The following ITSN2 variants were observed in gnomAD, a reference collection of about 807,000 sequenced individuals.
ITSN2 encodes intersectin-2.
Under a neutral mutation model 243.7 loss-of-function variants are expected in ITSN2, and 156 were observed. The observed-to-expected ratio is 0.64, with a 90% CI of 0.56 to 0.73. The LOEUF (loss-of-function observed/expected upper bound fraction) is 0.73. Ranked by LOEUF, ITSN2 falls within the 30% of genes least tolerant of loss-of-function variation. ITSN2 has a pLI of 0.00. For synonymous variants in ITSN2, 703 were observed against 699.9 expected, an observed-to-expected ratio of 1.00 and a Z score of -0.07; for missense variants, 1,801 against 1,996.1, an observed-to-expected ratio of 0.90 and a Z score of 1.86.
chr2:24,308,863 C>T (rs897371632), intron 7 of ITSN2, 107 bp from the exon 8 acceptor site: 3 of 732,570 alleles, frequency 4.1e-6, no homozygotes, highest in Admixed American at 2.2e-5. Context: ...GGTCCTGAAC[C>T]CCCGGGCCAC....
At chr2:24,270,540 A>C (rs1450631760) in intron 20 of ITSN2, 131 bp downstream of exon 20, 1 of 590,686 alleles carries the variant, frequency 1.7e-6, no homozygotes. Context: ...TGTAAAGTCC[A>C]AATGAGGTAA....
At chr2:24,293,448 A>C (rs1320016774) in intron 15 of ITSN2, 1 of 268,370 alleles carries the variant, frequency 3.7e-6, no homozygotes, top group Non-Finnish European at 7.0e-6. Context: ...TATACATAAA[A>C]ATATCATCAA....
chr2:24,317,658 C>T (rs568752171), intron 2 of ITSN2, among the ~76,000 whole-genome samples: 2 of 152,214 alleles, frequency 1.3e-5, no homozygotes, highest in Non-Finnish European at 2.9e-5. Flanking sequence ...TTAAAGACAC[C>T]CTCCTGGGGC....
chr2:24,257,814 C>A, intron 23 of ITSN2, 74 bp downstream of exon 23: 1 of 1,136,154 alleles, frequency 8.8e-7, no homozygotes, highest in Non-Finnish European at 1.3e-6. Context: ...ATTATACACT[C>A]AATCAGACCA....
chr2:24,311,312 G>A (rs904764784), intron 5 of ITSN2, among the ~76,000 whole-genome samples: 23 of 152,094 alleles, frequency 1.5e-4, no homozygotes, highest in Non-Finnish European at 2.8e-4. Flanking sequence ...TATAAATATG[G>A]TCACACAATG....
At chr2:24,341,380 GA>G (rs372221674) in intron 1 of ITSN2, among the ~76,000 whole-genome samples, 34 of 152,016 alleles carry the variant, frequency 2.2e-4, no homozygotes, top group Non-Finnish European at 4.6e-4. Context: ...TCATGTATAA[GA>G]AAAAAGAGAC....
Position 24,357,473 on chromosome 2 carries a change from G to GT in ITSN2, c.-34+2830dup, listed in dbSNP as rs1488748654. Among the ~76,000 whole-genome samples the GT allele has an allele frequency of 3.9e-5, 6 of 152,234 alleles. No homozygotes were observed. In the East Asian group the frequency reaches 5.8e-4, roughly 15 times the overall value. The stretch of plus-strand genomic sequence containing the variant: ...GGAACAACACACACCAGGACCTGTT[G>GT]TGGGGGGGCAATGAGGGAAGGGGAC... On this transcript the variant is annotated intron_variant, in intron 1 of 39. Coordinates refer to ENST00000355123, the MANE Select transcript of ITSN2 (RefSeq NM_006277.3).
chr2:24,224,262 C>G (rs531989651), intron 29 of ITSN2, among the ~76,000 whole-genome samples: 5 of 152,364 alleles, frequency 3.3e-5, no homozygotes, highest in Admixed American at 6.5e-5. Flanking sequence ...CATTCCATCT[C>G]TATTATTATT....
intron 1 of ITSN2, among the ~76,000 whole-genome samples, chr2:24,339,875 AACTT>A (rs1686853379): frequency 6.6e-6 from 1 of 152,054 alleles, no homozygotes; most frequent in Non-Finnish European, 1.5e-5. Context: ...AAAAATTAAA[AACTT>A]AGTTGGGCAT....
chr2:24,242,550 AGGTTT>A (rs1672848982), intron 29 of ITSN2, among the ~76,000 whole-genome samples: 1 of 152,208 alleles, frequency 6.6e-6, no homozygotes, highest in Non-Finnish European at 1.5e-5. Context: ...TTAAAATTAT[AGGTTT>A]ATATAAACAA....
intron 39 of ITSN2, 38 bp from the exon 40 acceptor site, chr2:24,203,821 C>G: frequency 6.3e-7 from 1 of 1,576,244 alleles, no homozygotes. Context: ...AGTCTTTCTT[C>G]TTTATAAAAT....
At chr2:24,346,538 A>G (rs1574392456) in intron 1 of ITSN2, among the ~76,000 whole-genome samples, 1 of 152,196 alleles carries the variant, frequency 6.6e-6, no homozygotes, top group Non-Finnish European at 1.5e-5. Context: ...TTAAATAAAA[A>G]CTAAGGAAAC....
chr2:24,299,522 G>A (rs1377572671), intron 12 of ITSN2, among the ~76,000 whole-genome samples: 1 of 152,082 alleles, frequency 6.6e-6, no homozygotes, highest in African/African-American at 2.4e-5. Context: ...GACTTTCAAT[G>A]CCCAGCTCTC....
chr2:24,345,981 T>TGA (rs1192566185), intron 1 of ITSN2, among the ~76,000 whole-genome samples: 1 of 152,158 alleles, frequency 6.6e-6, no homozygotes, highest in Admixed American at 6.6e-5. Flanking sequence ...TTGATCTACG[T>TGA]GGATTTTATT....
chr2:24,341,323 T>C (rs1687024778), intron 1 of ITSN2, among the ~76,000 whole-genome samples: 1 of 152,076 alleles, frequency 6.6e-6, no homozygotes, highest in South Asian at 2.1e-4. Context: ...TCATTAGGGA[T>C]TGGGAGTAGT....
chr2:24,295,080 G>A (rs1191970670), intron 14 of ITSN2, among the ~76,000 whole-genome samples: 1 of 152,172 alleles, frequency 6.6e-6, no homozygotes, highest in African/African-American at 2.4e-5. Flanking sequence ...GTTATAGCAA[G>A]TAATGAATTA....
chr2:24,317,102 C>T (rs1333228778), intron 2 of ITSN2, among the ~76,000 whole-genome samples: 5 of 152,188 alleles, frequency 3.3e-5, no homozygotes, highest in South Asian at 2.1e-4. Context: ...TGGCAGTGGC[C>T]GGGCGCGGTG....
At chr2:24,341,719 T>C (rs1008343549) in intron 1 of ITSN2, among the ~76,000 whole-genome samples, 3 of 152,064 alleles carry the variant, frequency 2.0e-5, no homozygotes, top group South Asian at 2.1e-4. Flanking sequence ...CTATTAAAAA[T>C]ACAAAAATGC....
chr2:24,310,400 A>G lies in ITSN2; in HGVS notation c.557-20T>C. On this transcript the variant is annotated intron_variant, in intron 6 of 39. Coordinates refer to ENST00000355123, the MANE Select transcript of ITSN2 (RefSeq NM_006277.3). The stretch of plus-strand genomic sequence containing the variant: ...GCAATGCTAAAAAAGAAAAAGAAGG[A>G]AAAGTATGAAAGAAATTTGTATCTG... 3 of 1,609,654 alleles carry G rather than the reference A, an allele frequency of 1.9e-6. No homozygotes were observed. The highest frequency in any genetic ancestry group is 2.5e-6 in the Non-Finnish European group (3 of 1,176,936).
Sources: allele counts gnomAD v4.1 joint callset (sites outside exome capture counted in the v4.1 genomes callset), GRCh38; gene constraint gnomAD v4.1.1; transcripts MANE v1.5; gene names NCBI Gene and HGNC (gene_info 2026-07-23, HGNC 2026-07-21).